The following CSMD2 variants were observed in gnomAD, a reference collection of about 807,000 sequenced individuals.
CSMD2 encodes CUB and sushi domain-containing protein 2.
A neutral mutation model predicts 398.5 loss-of-function variants in CSMD2; 130 were observed. That is an observed-to-expected ratio of 0.33 (90% confidence interval 0.28 to 0.38). CSMD2 has a LOEUF of 0.38. Among genes scored for constraint, CSMD2 ranks in the 10% least tolerant of loss-of-function variants. CSMD2 has a pLI of 1.00. For missense variants in CSMD2, 3,829 were observed against 4,764.9 expected, an observed-to-expected ratio of 0.80 and a Z score of 5.78; for synonymous variants, 1,828 against 1,908.5, an observed-to-expected ratio of 0.96 and a Z score of 1.10.
intron 44 of CSMD2, chr1:33,600,157 T>G: frequency 1.4e-6 from 1 of 716,116 alleles, no homozygotes; most frequent in Non-Finnish European, 2.6e-6. Context: ...AAGGGACCTG[T>G]GCAAGGTTTT....
At chr1:33,679,407 G>A (rs2149058105) in intron 25 of CSMD2, among the ~76,000 whole-genome samples, 1 of 152,038 alleles carries the variant, frequency 6.6e-6, no homozygotes, top group African/African-American at 2.4e-5. Context: ...TCACCATGTT[G>A]GCCAGGATGG....
intron 7 of CSMD2, among the ~76,000 whole-genome samples, chr1:33,824,171 T>C (rs554666830): frequency 6.6e-6 from 1 of 152,288 alleles, no homozygotes; most frequent in Admixed American, 6.5e-5. Context: ...TTTCCTTAAG[T>C]TTGCCTGTGG....
intron 1 of CSMD2, among the ~76,000 whole-genome samples, chr1:34,133,566 G>T (rs1438478199): frequency 6.6e-6 from 1 of 152,026 alleles, no homozygotes; most frequent in African/African-American, 2.4e-5. Flanking sequence ...AGGAGGTGGA[G>T]GTTGCAGTGA....
chr1:33,821,493 C>T (rs1658148052), intron 7 of CSMD2, among the ~76,000 whole-genome samples: 1 of 152,204 alleles, frequency 6.6e-6, no homozygotes, highest in South Asian at 2.1e-4. Flanking sequence ...ATGACCCCAA[C>T]AGCAACCTCT....
chr1:33,686,816 C>A (rs1488263458), intron 25 of CSMD2, among the ~76,000 whole-genome samples: 1 of 152,246 alleles, frequency 6.6e-6, no homozygotes, highest in African/African-American at 2.4e-5. Flanking sequence ...ACCTAGCACA[C>A]ATGCTCCCAC....
intron 2 of CSMD2, among the ~76,000 whole-genome samples, chr1:34,044,004 G>A (rs1219830605): frequency 6.6e-6 from 1 of 152,130 alleles, no homozygotes; most frequent in Non-Finnish European, 1.5e-5. Context: ...GCTTGTGCCT[G>A]GCTTCTCCCA....
chr1:34,161,407 G>C (rs1303816533), intron 1 of CSMD2, among the ~76,000 whole-genome samples: 1 of 152,194 alleles, frequency 6.6e-6, no homozygotes, highest in Non-Finnish European at 1.5e-5. Flanking sequence ...CACCCAGAGA[G>C]TGGTGAAAAG....
At chr1:33,661,192 C>T (rs928012811) in intron 26 of CSMD2, among the ~76,000 whole-genome samples, 1 of 152,202 alleles carries the variant, frequency 6.6e-6, no homozygotes, top group African/African-American at 2.4e-5. Context: ...TAATTATGGG[C>T]TTTTTCTTTT....
intron 1 of CSMD2, among the ~76,000 whole-genome samples, chr1:34,137,423 G>A (rs1005707940): frequency 3.9e-5 from 6 of 152,054 alleles, no homozygotes; most frequent in African/African-American, 1.4e-4. Flanking sequence ...TTCCTCTCAT[G>A]CCCAGATTCC....
chr1:33,542,012 T>A (rs1417264989), intron 58 of CSMD2, among the ~76,000 whole-genome samples: 1 of 152,078 alleles, frequency 6.6e-6, no homozygotes, highest in Non-Finnish European at 1.5e-5. Context: ...TGTCATCATA[T>A]CATTGAGGGT....
intron 49 of CSMD2, among the ~76,000 whole-genome samples, chr1:33,575,491 G>A (rs2148708422): frequency 6.6e-6 from 1 of 152,238 alleles, no homozygotes. Context: ...ACGCTTGCTG[G>A]CCACGGAACT....
chr1:33,693,571 C>G (rs1208282629), intron 24 of CSMD2, among the ~76,000 whole-genome samples: 1 of 152,168 alleles, frequency 6.6e-6, no homozygotes, highest in Non-Finnish European at 1.5e-5. Context: ...ACCATATGAC[C>G]TAGCAATTCT....
chr1:33,763,761 C>T (rs1029285420), intron 13 of CSMD2, among the ~76,000 whole-genome samples: 1 of 152,332 alleles, frequency 6.6e-6, no homozygotes, highest in Non-Finnish European at 1.5e-5. Flanking sequence ...CATGATGGTA[C>T]TTTGGGAAGT....
chr1:33,521,520 T>C lies in CSMD2; in HGVS notation c.10540A>G (p.Ile3514Val). ...TGGCCCTTGACAGAGCCTTGGTAGA[T>C]GAAGGTGGCTCCGGAGGACTCTGAC... is the stretch of plus-strand genomic sequence containing the variant. Reference protein sequence around the residue: ...VSSESSGATFIYQGSVKGQGF... With the variant: ...VSSESSGATFVYQGSVKGQGF... Residue 3514 changes from isoleucine to valine, a missense_variant, in exon 68 of 71, where the codon ATC becomes GTC. By Grantham distance (29) the Ile-to-Val change is conservative. Coordinates refer to ENST00000373381, the MANE Select transcript of CSMD2 (RefSeq NM_001281956.2). 2 of 1,613,596 alleles carry C rather than the reference T, an allele frequency of 1.2e-6. No individual in the cohort carries two copies. The highest frequency in any genetic ancestry group is 1.7e-6 in the Non-Finnish European group (2 of 1,179,546).
At chr1:33,810,692 C>A (rs780683077) in intron 10 of CSMD2, 51 bp downstream of exon 10, 1 of 1,581,974 alleles carries the variant, frequency 6.3e-7, no homozygotes, top group Non-Finnish European at 8.6e-7. Flanking sequence ...GCCAACTGTC[C>A]CCAACCTAGC....
At chr1:34,085,243 G>A (rs968204555) in intron 2 of CSMD2, among the ~76,000 whole-genome samples, 1 of 152,032 alleles carries the variant, frequency 6.6e-6, no homozygotes, top group African/African-American at 2.4e-5. Flanking sequence ...GGTGGGGTTA[G>A]GGGGGAGGGA....
Position 34,138,132 on chromosome 1 carries a change from A to G in CSMD2, c.187+26779T>C, listed in dbSNP as rs60609467. On this transcript the variant is annotated intron_variant, in intron 1 of 70. Transcript: ENST00000373381. ...GGTAAGTCTATGTCAGGTGCTGGCT[A>G]AACAAGCTTTCTATTTATTTAAAAG... Among the ~76,000 whole-genome samples the G allele has an allele frequency of 4.4e-3, 676 of 152,300 alleles. 5 individuals carry two copies. The highest frequency in any genetic ancestry group is 0.015 in the African/African-American group (639 of 41,582).
intron 32 of CSMD2, among the ~76,000 whole-genome samples, chr1:33,627,895 C>G (rs1361418901): frequency 6.6e-6 from 1 of 152,230 alleles, no homozygotes; most frequent in Non-Finnish European, 1.5e-5. Context: ...CTCACAGAAC[C>G]CATGTCAACT....
intron 24 of CSMD2, among the ~76,000 whole-genome samples, chr1:33,695,268 G>A (rs768990690): frequency 3.3e-5 from 5 of 152,156 alleles, no homozygotes; most frequent in Admixed American, 6.5e-5. Flanking sequence ...ACAGGTTGAA[G>A]GACCTTGGAT....
Sources: gnomAD v4.1 joint callset for allele counts (sites outside exome capture counted in the v4.1 genomes callset) on GRCh38, gnomAD v4.1.1 for gene constraint, MANE v1.5 for transcripts, NCBI Gene and HGNC (gene_info 2026-07-23, HGNC 2026-07-21) for gene names.